Variants in USP3 observed in about 807,000 individuals in gnomAD.
The protein encoded by USP3 is ubiquitin carboxyl-terminal hydrolase 3.
In USP3, 20 loss-of-function variants were observed where a neutral mutation model predicts 72.3. The observed-to-expected ratio is 0.28, with a 90% CI of 0.19 to 0.40. The LOEUF (loss-of-function observed/expected upper bound fraction) is 0.40. Among genes scored for constraint, USP3 ranks in the 10% least tolerant of loss-of-function variants. USP3 has a pLI of 1.00. For missense variants in USP3, 479 were observed against 633.9 expected (o/e 0.76, Z 2.62); for synonymous variants, 222 against 225.3 (o/e 0.99, Z 0.13).
At chr15:63,562,114 A>G (rs2066616756) in intron 7 of USP3, among the ~76,000 whole-genome samples, 2 of 152,058 alleles carry the variant, frequency 1.3e-5, no homozygotes, top group Admixed American at 6.6e-5. Flanking sequence ...GGGCTCCCCA[A>G]CTCCGTCCTC....
chr15:63,576,863 CTCT>C (rs1260179032), intron 11 of USP3, among the ~76,000 whole-genome samples: 1 of 152,192 alleles, frequency 6.6e-6, no homozygotes, highest in Non-Finnish European at 1.5e-5. Flanking sequence ...AAGGGCACTT[CTCT>C]TCTTGGACAT....
At chr15:63,531,566 C>G (rs2066076310) in intron 1 of USP3, among the ~76,000 whole-genome samples, 1 of 152,124 alleles carries the variant, frequency 6.6e-6, no homozygotes, top group Non-Finnish European at 1.5e-5. Flanking sequence ...CTCCATTCAC[C>G]TTATTTCCAG....
intron 1 of USP3, among the ~76,000 whole-genome samples, chr15:63,520,852 C>A (rs970497601): frequency 6.6e-6 from 1 of 152,034 alleles, no homozygotes; most frequent in African/African-American, 2.4e-5. Flanking sequence ...CATGAGCCAC[C>A]ATGCCTGGCC....
At chr15:63,527,197 T>A (rs1417997382) in intron 1 of USP3, among the ~76,000 whole-genome samples, 1 of 152,228 alleles carries the variant, frequency 6.6e-6, no homozygotes, top group African/African-American at 2.4e-5. Context: ...GTGCCCAGCA[T>A]GTTCTTTGAA....
chr15:63,578,275 A>G (rs1444946083), intron 11 of USP3, among the ~76,000 whole-genome samples: 1 of 149,986 alleles, frequency 6.7e-6, no homozygotes, highest in African/African-American at 2.5e-5. Context: ...CTCTGTCTCA[A>G]AAACAAAGAA....
intron 5 of USP3, 172 bp downstream of exon 5, chr15:63,556,920 C>T: frequency 1.9e-6 from 1 of 538,292 alleles, no homozygotes; most frequent in Non-Finnish European, 3.4e-6. Context: ...TGCCGTGACC[C>T]CAGTGAGTCC....
At chr15:63,563,612 T>C (rs1307472864) in intron 8 of USP3, among the ~76,000 whole-genome samples, 2 of 152,230 alleles carry the variant, frequency 1.3e-5, no homozygotes, top group Non-Finnish European at 2.9e-5. Flanking sequence ...CGTAGGTCTG[T>C]CATCCCTGTA....
rs751892610 is a variant in USP3 at position 63,570,670 on chromosome 15, G to A, written c.908+91G>A. On this transcript the variant is annotated intron_variant, in intron 9 of 14. Transcript: ENST00000380324. This position sits in a 1 kb window ranked among gnomAD's most constrained non-coding sequence, Gnocchi z 4.4. ...GTTAGATTTATAACGGAAGGTAGAG[G>A]GGTTTCTTGGACATTTGCTGGAACT... The A allele has an allele frequency of 2.1e-5, 32 of 1,513,116 alleles. No individual in the cohort carries two copies. The highest frequency in any genetic ancestry group is 2.6e-5 in the Non-Finnish European group (29 of 1,131,936). The allele number at this position is 1,513,116 out of a possible 1,614,324, so 93.7% of individuals were successfully genotyped here.
At chr15:63,533,909 ATT>A in intron 2 of USP3, 1 of 1,157,666 alleles carries the variant, frequency 8.6e-7, no homozygotes, top group Non-Finnish European at 1.1e-6. Context: ...CCTCTCCTAG[ATT>A]TTGAGAGGTG....
intron 1 of USP3, among the ~76,000 whole-genome samples, chr15:63,519,494 G>A (rs1479592939): frequency 6.6e-6 from 1 of 152,086 alleles, no homozygotes; most frequent in Non-Finnish European, 1.5e-5. Flanking sequence ...GTAATGTTGT[G>A]TCTTCTCAGG....
chr15:63,540,746 G>A (rs2066233085), intron 3 of USP3, among the ~76,000 whole-genome samples: 1 of 152,192 alleles, frequency 6.6e-6, no homozygotes. Flanking sequence ...AGAGAAAGCA[G>A]TGCGAAAAGG....
At chr15:63,506,331 A>G (rs1211591331) in intron 1 of USP3, among the ~76,000 whole-genome samples, 1 of 151,186 alleles carries the variant, frequency 6.6e-6, no homozygotes, top group African/African-American at 2.4e-5. Context: ...CTGTGGTGCT[A>G]TAATTGTAAC....
intron 1 of USP3, among the ~76,000 whole-genome samples, chr15:63,514,880 G>A (rs2152649418): frequency 6.6e-6 from 1 of 152,248 alleles, no homozygotes; most frequent in South Asian, 2.1e-4. Flanking sequence ...CAGGTTGTTG[G>A]CAACAGCATG....
At chr15:63,576,556 T>A (rs1328620445) in intron 11 of USP3, among the ~76,000 whole-genome samples, 1 of 152,220 alleles carries the variant, frequency 6.6e-6, no homozygotes, top group Non-Finnish European at 1.5e-5. Context: ...AGCTTATAGA[T>A]GGCTGATTTT....
chr15:63,568,301 G>C (rs2066725858), intron 8 of USP3, among the ~76,000 whole-genome samples: 1 of 149,322 alleles, frequency 6.7e-6, no homozygotes, highest in Admixed American at 6.7e-5. Flanking sequence ...GTTGCAGTGA[G>C]CCAAGATAGC....
Position 63,570,702 on chromosome 15 carries a change from G to A in USP3, c.908+123G>A. On this transcript the variant is annotated intron_variant, in intron 9 of 14. Transcript: ENST00000380324. The surrounding 1 kb of genome is among the most constrained non-coding windows in gnomAD (Gnocchi z 4.4). ...TTGGACATTTGCTGGAACTTTTCGT[G>A]CCCTTGAACTTTGTGACCCAGTGAA... 3 of 1,406,014 alleles carry A rather than the reference G, an allele frequency of 2.1e-6. No homozygotes were observed. The highest frequency in any genetic ancestry group is 2.9e-6 in the Non-Finnish European group (3 of 1,050,022). The allele number at this position is 1,406,014 out of a possible 1,614,324, so 87.1% of individuals were successfully genotyped here.
chr15:63,588,996 T>C lies in USP3; in HGVS notation c.1382T>C (p.Val461Ala). The change falls in exon 14 of 15, where the codon GTG (valine) becomes GCG (alanine). Residue 461 changes from valine (V) to alanine (A), a missense_variant. Transcript: ENST00000380324. The surrounding 1 kb of genome is among the most constrained non-coding windows in gnomAD (Gnocchi z 4.6). ...SCLYDLAAVVVHHGSGVGSGH... is the reference protein window; with the variant it reads ...SCLYDLAAVVAHHGSGVGSGH... ...CTGTATGACCTCGCCGCTGTGGTGG[T>C]GCACCATGGTTCCGGGTGAGTACAA... is the stretch of plus-strand genomic sequence containing the variant. 2 of 1,613,636 alleles carry C rather than the reference T, an allele frequency of 1.2e-6. No homozygotes were observed. Among genetic ancestry groups the C allele is most frequent in the Non-Finnish European group, 1.7e-6 (2 of 1,180,032 alleles).
chr15:63,558,325 T>C (rs1404342367), intron 6 of USP3, 137 bp downstream of exon 6: 3 of 937,614 alleles, frequency 3.2e-6, no homozygotes, highest in Non-Finnish European at 4.8e-6. Context: ...TTTTGTTTCC[T>C]CATCAGTAAA....
intron 11 of USP3, among the ~76,000 whole-genome samples, chr15:63,585,514 GA>G (rs1258148475): frequency 6.6e-6 from 1 of 152,136 alleles, no homozygotes; most frequent in East Asian, 1.9e-4. Context: ...ACCTAACAAT[GA>G]ATACATTGTT....
Sources: allele counts gnomAD v4.1 joint callset (sites outside exome capture counted in the v4.1 genomes callset), GRCh38; gene constraint gnomAD v4.1.1; non-coding constraint Gnocchi (gnomAD v3.1); transcripts MANE v1.5; gene names NCBI Gene and HGNC (gene_info 2026-07-23, HGNC 2026-07-21).